TRAK1: variants seen among roughly 807,000 people sequenced by gnomAD.
TRAK1 encodes the protein trafficking kinesin protein 1.
Under a neutral mutation model 92.1 loss-of-function variants are expected in TRAK1, and 33 were observed. The ratio of observed to expected loss-of-function variants is 0.36; its 90% confidence interval spans 0.27 to 0.48. The LOEUF is 0.48. Ranked by LOEUF, TRAK1 falls within the 20% of genes least tolerant of loss-of-function variation. The pLI is 0.99. For synonymous variants in TRAK1, 521 were observed against 517.3 expected (o/e 1.01, Z -0.10); for missense variants, 1,123 against 1,257.9 (o/e 0.89, Z 1.62).
At chr3:42,069,902 A>G (rs1703844809) in intron 1 of TRAK1, among the ~76,000 whole-genome samples, 1 of 151,878 alleles carries the variant, frequency 6.6e-6, no homozygotes, top group African/African-American at 2.4e-5. Flanking sequence ...CCCAGGCTGG[A>G]GTGCAGTGGC....
intron 2 of TRAK1, among the ~76,000 whole-genome samples, chr3:42,169,240 T>G (rs1030556013): frequency 2.0e-5 from 3 of 149,338 alleles, no homozygotes; most frequent in African/African-American, 7.6e-5. Flanking sequence ...TTTTCGTGTG[T>G]TTTTTTTTCT....
intron 5 of TRAK1, among the ~76,000 whole-genome samples, chr3:42,188,409 A>G (rs1705206501): frequency 6.6e-6 from 1 of 152,176 alleles, no homozygotes; most frequent in Non-Finnish European, 1.5e-5. Flanking sequence ...CTGGCACATT[A>G]ATGGATAATG....
rs71741232 is a variant in TRAK1, at chr3:42,127,347, CTT to C, written c.286+1751_286+1752del. On this transcript the variant is annotated intron_variant, in intron 2 of 15. Transcript: ENST00000327628. ...GAGGCTCCTGGGTCCCATTCATACACTTTTTTTTTTTTTTTTTTTGGTTGAGA... is the reference window on the plus strand; with the variant it reads ...GAGGCTCCTGGGTCCCATTCATACACTTTTTTTTTTTTTTTTTGGTTGAGA... Among the ~76,000 whole-genome samples, 744 of 127,794 alleles carry C rather than the reference CTT, an allele frequency of 5.8e-3. 4 individuals carry two copies. The highest frequency in any genetic ancestry group is 0.021 in the African/African-American group (681 of 33,186). The allele number at this position is 127,794 out of a possible 152,430, so 83.8% of individuals were successfully genotyped here.
Position 42,223,440 on chromosome 3 carries a change from G to A in TRAK1, c.2565G>A (p.Val855=), listed in dbSNP as rs1200854377. The change falls in exon 16 of 16, where the codon GTG becomes GTA. Residue 855 remains valine, a synonymous_variant. Coordinates refer to ENST00000327628, the MANE Select transcript of TRAK1 (RefSeq NM_001042646.3). The surrounding 1 kb of genome is among the most constrained non-coding windows in gnomAD (Gnocchi z 6.1). ...TCAGGAGGTTTGGGGTGGCCAAAGT[G>A]GTGAACTCAGGGCGAGCCCATGTCC... ...DKVRRFGVAK[V]VNSGRAHVPT... The A allele has an allele frequency of 6.2e-7, 1 of 1,614,110 alleles. No individual in the cohort carries two copies. The highest frequency in any genetic ancestry group is 1.7e-5 in the Admixed American group (1 of 60,028).
intron 1 of TRAK1, among the ~76,000 whole-genome samples, chr3:42,069,800 G>A (rs1168601691): frequency 2.6e-5 from 4 of 151,922 alleles, no homozygotes; most frequent in African/African-American, 9.7e-5. Context: ...GCTGAGGAAA[G>A]TTACATCTTT....
chr3:42,182,357 TG>T (rs1704139436), intron 3 of TRAK1, among the ~76,000 whole-genome samples: 1 of 151,514 alleles, frequency 6.6e-6, no homozygotes, highest in Non-Finnish European at 1.5e-5. Flanking sequence ...CAGGCTGTAG[TG>T]CAGTGGGGTG....
intron 14 of TRAK1, among the ~76,000 whole-genome samples, chr3:42,217,021 G>A (rs1410317951): frequency 6.6e-6 from 1 of 152,050 alleles, no homozygotes; most frequent in Non-Finnish European, 1.5e-5. Context: ...CATGGGCTTG[G>A]TGACTTCACA....
chr3:42,075,627 C>T (rs1708824915), intron 1 of TRAK1, among the ~76,000 whole-genome samples: 1 of 152,114 alleles, frequency 6.6e-6, no homozygotes, highest in Non-Finnish European at 1.5e-5. Context: ...ATAAGCATAC[C>T]GTTTTCTCCT....
intron 1 of TRAK1, among the ~76,000 whole-genome samples, chr3:42,118,389 G>A (rs769359434): frequency 2.0e-5 from 3 of 152,152 alleles, no homozygotes; most frequent in African/African-American, 2.4e-5. Context: ...ACTGCGCCCC[G>A]CTGAGATCTG....
chr3:42,204,018 CTA>C, intron 13 of TRAK1: 1 of 985,448 alleles, frequency 1.0e-6, no homozygotes, highest in East Asian at 1.1e-4. Flanking sequence ...AGAGGGTGGG[CTA>C]GTTTGTTTTT....
At chr3:42,028,019 TTTTGTATTTTTAG>T (rs1217803345) in intron 1 of TRAK1, among the ~76,000 whole-genome samples, 1 of 152,056 alleles carries the variant, frequency 6.6e-6, no homozygotes, top group African/African-American at 2.4e-5. Context: ...CCAGCTGATT[TTTTGTATTTTTAG>T]TAGAGACGGG....
chr3:42,167,008 C>G (rs1168262931), intron 2 of TRAK1, among the ~76,000 whole-genome samples: 1 of 152,222 alleles, frequency 6.6e-6, no homozygotes, highest in Non-Finnish European at 1.5e-5. Context: ...GTTGCTAAGA[C>G]AGATGCATTA....
chr3:42,047,227 A>C (rs1392542835), intron 1 of TRAK1, among the ~76,000 whole-genome samples: 1 of 136,814 alleles, frequency 7.3e-6, no homozygotes, highest in African/African-American at 2.7e-5. Context: ...TTTTTTTTTA[A>C]ATCTGTCGCC....
chr3:42,091,903 G>T (rs1162135213), intron 1 of TRAK1, among the ~76,000 whole-genome samples: 1 of 152,076 alleles, frequency 6.6e-6, no homozygotes, highest in African/African-American at 2.4e-5. Flanking sequence ...ACAGTTCTCT[G>T]CAGTGGGTGG....
chr3:42,138,406 C>T (rs1698221367), intron 2 of TRAK1, among the ~76,000 whole-genome samples: 1 of 152,132 alleles, frequency 6.6e-6, no homozygotes, highest in Non-Finnish European at 1.5e-5. Context: ...CTAATGAATG[C>T]TTCTTAAATA....
chr3:42,141,672 C>T (rs553351853), intron 2 of TRAK1, among the ~76,000 whole-genome samples: 1 of 152,250 alleles, frequency 6.6e-6, no homozygotes, highest in Non-Finnish European at 1.5e-5. Flanking sequence ...GGCTGCCGGC[C>T]ATCCTCGACA....
At chr3:42,077,450 AG>A (rs755057494) in intron 1 of TRAK1, among the ~76,000 whole-genome samples, 2 of 151,990 alleles carry the variant, frequency 1.3e-5, no homozygotes, top group Non-Finnish European at 2.9e-5. Flanking sequence ...CACCATGCCC[AG>A]CTAATTTTTG....
chr3:42,125,672 A>G, intron 2 of TRAK1, 58 bp downstream of exon 2: 1 of 1,571,574 alleles, frequency 6.4e-7, no homozygotes, highest in Admixed American at 1.7e-5. Context: ...CTTCTTAGCC[A>G]TGGCCCCAAA....
At chr3:42,170,663 G>T (rs910644671) in intron 2 of TRAK1, among the ~76,000 whole-genome samples, 1 of 152,122 alleles carries the variant, frequency 6.6e-6, no homozygotes, top group African/African-American at 2.4e-5. Context: ...AAACACTGAT[G>T]CTAAGGTGTA....
Sources: allele counts gnomAD v4.1 joint callset (sites outside exome capture counted in the v4.1 genomes callset), GRCh38; gene constraint gnomAD v4.1.1; non-coding constraint Gnocchi (gnomAD v3.1); transcripts MANE v1.5; gene names NCBI Gene and HGNC (gene_info 2026-07-23, HGNC 2026-07-21).